Variants in CSMD2 observed in about 807,000 individuals in gnomAD.
CSMD2 encodes the protein CUB and sushi domain-containing protein 2.
Under a neutral mutation model 398.5 loss-of-function variants are expected in CSMD2, and 130 were observed. The observed-to-expected ratio is 0.33, with a 90% confidence interval of 0.28 to 0.38. The LOEUF (loss-of-function observed/expected upper bound fraction) is 0.38. Among genes scored for constraint, CSMD2 ranks in the 10% least tolerant of loss-of-function variants. The pLI, the probability that CSMD2 is intolerant of heterozygous loss-of-function variation, is 1.00. For synonymous variants in CSMD2, 1,828 were observed against 1,908.5 expected, an observed-to-expected ratio of 0.96 and a Z score of 1.10; for missense variants, 3,829 against 4,764.9, an observed-to-expected ratio of 0.80 and a Z score of 5.78.
At chr1:33,780,378 T>G (rs929983712) in intron 12 of CSMD2, among the ~76,000 whole-genome samples, 1 of 152,160 alleles carries the variant, frequency 6.6e-6, no homozygotes, top group Non-Finnish European at 1.5e-5. Context: ...ACCCCACATC[T>G]GTATGTGCAC....
chr1:33,950,233 T>C (rs768272664), intron 3 of CSMD2, among the ~76,000 whole-genome samples: 34 of 152,042 alleles, frequency 2.2e-4, no homozygotes, highest in Non-Finnish European at 3.5e-4. Context: ...GGCTCTTCCC[T>C]CCTAAAAGCG....
Position 33,743,502 on chromosome 1 carries a change from TG to T in CSMD2, c.1950del (p.Arg651GlyfsTer88). The T allele has an allele frequency of 6.2e-7, 1 of 1,614,068 alleles. No homozygotes were observed. The highest frequency in any genetic ancestry group is 8.5e-7 in the Non-Finnish European group (1 of 1,180,030). ...GCCAGGTGGATGCGGCTCTCAGGCC[TG>T]GCCAGGATGAGCCAGACACAGTGGA... is the stretch of plus-strand genomic sequence containing the variant. ...NHLHCVWLIL[A>X]RPESRIHLAF... On this transcript the variant is annotated frameshift_variant, in exon 14 of 71. Coordinates refer to ENST00000373381, the MANE Select transcript of CSMD2 (RefSeq NM_001281956.2). LOFTEE classifies it high-confidence loss of function.
At chr1:33,944,783 C>T (rs930084348) in intron 3 of CSMD2, among the ~76,000 whole-genome samples, 6 of 152,124 alleles carry the variant, frequency 3.9e-5, no homozygotes, top group African/African-American at 1.4e-4. Flanking sequence ...CCCGGGGCTA[C>T]AATGCAGGTT....
chr1:33,595,377 C>T (rs968028105), intron 44 of CSMD2, among the ~76,000 whole-genome samples: 1 of 152,174 alleles, frequency 6.6e-6, no homozygotes, highest in Non-Finnish European at 1.5e-5. Flanking sequence ...TCACTGCATC[C>T]TCTCACCTGG....
intron 55 of CSMD2, 32 bp from the exon 56 acceptor site, chr1:33,550,382 C>T (rs768906648): frequency 6.2e-7 from 1 of 1,602,556 alleles, no homozygotes. Context: ...CTCAATGACT[C>T]TGCACAGGGA....
chr1:34,023,422 A>G (rs1649193292), intron 3 of CSMD2, among the ~76,000 whole-genome samples: 1 of 152,200 alleles, frequency 6.6e-6, no homozygotes, highest in African/African-American at 2.4e-5. Flanking sequence ...CAGAGTAGCC[A>G]CTTTTGTGTT....
chr1:34,105,251 G>C (rs1660417907), intron 1 of CSMD2, among the ~76,000 whole-genome samples: 1 of 152,108 alleles, frequency 6.6e-6, no homozygotes, highest in African/African-American at 2.4e-5. Flanking sequence ...TCTTCACTGT[G>C]GGAGGCTGTC....
intron 3 of CSMD2, among the ~76,000 whole-genome samples, chr1:33,996,188 T>C (rs562149631): frequency 6.6e-6 from 1 of 151,714 alleles, no homozygotes; most frequent in East Asian, 1.9e-4. Flanking sequence ...GCAACCTCAC[T>C]GGTAATCAGA....
chr1:33,638,214 G>A (rs1040294754), intron 29 of CSMD2, among the ~76,000 whole-genome samples: 7 of 152,144 alleles, frequency 4.6e-5, no homozygotes, highest in Admixed American at 1.3e-4. Flanking sequence ...TATCAAATCT[G>A]TCTTCTCCAT....
chr1:33,572,474 C>T lies in CSMD2; in HGVS notation c.7762+32G>A, dbSNP rs772018854. On this transcript the variant is annotated intron_variant, in intron 50 of 70. Transcript: ENST00000373381. ...TTTCCAGCTGCCTACCTAGCCCTTC[C>T]TTACACCCGCCTCCATTGCCCGAGG... 2.6e-6 allele frequency: 4 copies of T among 1,514,206 alleles called. No homozygotes were observed. In the East Asian group the frequency reaches 7.1e-5, roughly 27 times the overall value. The allele number at this position is 1,514,206 out of a possible 1,614,324, so 93.8% of individuals were successfully genotyped here.
At chr1:33,780,796 T>G (rs1652653676) in intron 12 of CSMD2, among the ~76,000 whole-genome samples, 1 of 152,200 alleles carries the variant, frequency 6.6e-6, no homozygotes, top group Admixed American at 6.5e-5. Context: ...GAAAAACCTT[T>G]AGAGGTATCA....
intron 44 of CSMD2, among the ~76,000 whole-genome samples, chr1:33,596,274 C>A (rs571864539): frequency 1.3e-5 from 2 of 151,992 alleles, no homozygotes; most frequent in Non-Finnish European, 2.9e-5. Flanking sequence ...CTCCAATACC[C>A]TACATGGGTG....
chr1:34,165,583 CACACACACACACACAA>C (rs1457877233), upstream of CSMD2, among the ~76,000 whole-genome samples: 1 of 147,220 alleles, frequency 6.8e-6, no homozygotes, highest in East Asian at 2.4e-4. Flanking sequence ...CCCCCCTCTC[CACACACACACACACAA>C]ACACACACAC....
At chr1:34,105,654 A>G (rs1660460588) in intron 1 of CSMD2, among the ~76,000 whole-genome samples, 1 of 152,216 alleles carries the variant, frequency 6.6e-6, no homozygotes. Context: ...AGAATTGCAA[A>G]GGAAATCAGC....
Position 34,092,749 on chromosome 1 carries a change from G to A in CSMD2, c.188-3556C>T, listed in dbSNP as rs537609447. 3.9e-5 allele frequency among the ~76,000 whole-genome samples: 6 copies of A among 152,326 alleles called. No individual in the cohort carries two copies. The East Asian group carries it at 9.7e-4, about 25-fold the overall frequency. Reference sequence around the variant, plus strand: ...GAGATTATATCCCGCACCTGGCTCGGAGGGTCCTACCCCACGGAGTCTCGC... The same window carrying A: ...GAGATTATATCCCGCACCTGGCTCGAAGGGTCCTACCCCACGGAGTCTCGC... On this transcript the variant is annotated intron_variant, in intron 1 of 70. Coordinates refer to ENST00000373381, the MANE Select transcript of CSMD2 (RefSeq NM_001281956.2).
chr1:33,803,740 T>G (rs757623031), intron 10 of CSMD2, among the ~76,000 whole-genome samples: 2 of 151,848 alleles, frequency 1.3e-5, no homozygotes, highest in African/African-American at 4.9e-5. Flanking sequence ...AGGTAACTGC[T>G]TCATCCTCCT....
At chr1:33,757,309 A>G (rs1364029291) in intron 13 of CSMD2, among the ~76,000 whole-genome samples, 5 of 151,510 alleles carry the variant, frequency 3.3e-5, no homozygotes, top group African/African-American at 1.2e-4. Context: ...AAGTATAATA[A>G]TAAAAAAAAA....
intron 29 of CSMD2, among the ~76,000 whole-genome samples, chr1:33,641,005 C>T (rs1429319262): frequency 6.6e-6 from 1 of 152,120 alleles, no homozygotes; most frequent in Non-Finnish European, 1.5e-5. Flanking sequence ...CTTTCAGATT[C>T]TCTAACACAC....
At chr1:33,824,105 A>G (rs1658508584) in intron 7 of CSMD2, among the ~76,000 whole-genome samples, 1 of 152,180 alleles carries the variant, frequency 6.6e-6, no homozygotes, top group Admixed American at 6.5e-5. Flanking sequence ...GTCTGGGGTA[A>G]CATGCTCCCT....
Sources: gnomAD v4.1 joint callset for allele counts (sites outside exome capture counted in the v4.1 genomes callset) on GRCh38, gnomAD v4.1.1 for gene constraint, MANE v1.5 for transcripts, NCBI Gene and HGNC (gene_info 2026-07-23, HGNC 2026-07-21) for gene names.